Variants in NEGR1 observed in about 807,000 individuals in gnomAD.
The protein encoded by NEGR1 is IgLON family member 4.
In NEGR1, 10 loss-of-function variants were observed where a neutral mutation model predicts 40.9. The observed-to-expected ratio is 0.24, with a 90% CI of 0.15 to 0.42. The LOEUF (loss-of-function observed/expected upper bound fraction) is 0.42. Ranked by LOEUF, NEGR1 falls within the 10% of genes least tolerant of loss-of-function variation. NEGR1 has a pLI of 1.00. For synonymous variants in NEGR1, 185 were observed against 166.8 expected (o/e 1.11, Z -0.84); for missense variants, 352 against 438.9 (o/e 0.80, Z 1.77).
chr1:71,688,572 T>G (rs1454314154), intron 4 of NEGR1, among the ~76,000 whole-genome samples: 3 of 150,810 alleles, frequency 2.0e-5, no homozygotes, highest in Non-Finnish European at 4.4e-5. Flanking sequence ...TTCTCCTGCC[T>G]CAGCCTCCCA....
At chr1:71,877,469 T>C (rs781626711) in intron 2 of NEGR1, among the ~76,000 whole-genome samples, 4 of 152,168 alleles carry the variant, frequency 2.6e-5, no homozygotes, top group African/African-American at 4.8e-5. Context: ...TCTTCACATA[T>C]TCTTCCCTCT....
chr1:72,039,560 G>GAA (rs1646933767), intron 1 of NEGR1, among the ~76,000 whole-genome samples: 1 of 151,838 alleles, frequency 6.6e-6, no homozygotes, highest in African/African-American at 2.4e-5. Context: ...GTGTTGGAGA[G>GAA]AAAAAAACAA....
intron 4 of NEGR1, among the ~76,000 whole-genome samples, chr1:71,678,822 A>C (rs1652731353): frequency 6.6e-6 from 1 of 152,122 alleles, no homozygotes; most frequent in Non-Finnish European, 1.5e-5. Context: ...CGGGGAACTG[A>C]AAGTACCTTT....
intron 1 of NEGR1, among the ~76,000 whole-genome samples, chr1:72,181,264 C>A (rs1008424393): frequency 3.3e-5 from 5 of 152,170 alleles, no homozygotes; most frequent in East Asian, 1.9e-4. Context: ...CAGATAATAA[C>A]CCTGAAGCAC....
chr1:72,214,264 G>T (rs1236170285), intron 1 of NEGR1, among the ~76,000 whole-genome samples: 1 of 152,044 alleles, frequency 6.6e-6, no homozygotes, highest in Admixed American at 6.6e-5. Context: ...ATATCATACT[G>T]AATGGGCAAA....
intron 3 of NEGR1, among the ~76,000 whole-genome samples, chr1:71,766,908 CAT>C (rs1656152805): frequency 1.3e-5 from 2 of 152,154 alleles, no homozygotes; most frequent in Non-Finnish European, 2.9e-5. Flanking sequence ...GTCCTTGTAA[CAT>C]GTGCTGGCTT....
chr1:71,689,231 A>G (rs976793145), intron 4 of NEGR1, among the ~76,000 whole-genome samples: 2 of 152,210 alleles, frequency 1.3e-5, no homozygotes, highest in African/African-American at 4.8e-5. Flanking sequence ...ATTATCCAGA[A>G]TCATTTGACT....
intron 1 of NEGR1, among the ~76,000 whole-genome samples, chr1:72,210,588 A>C (rs1237599457): frequency 6.6e-6 from 1 of 151,896 alleles, no homozygotes; most frequent in Admixed American, 6.6e-5. Flanking sequence ...TTTTTGTTGC[A>C]AAGTTGAAGA....
At chr1:72,171,372 A>C (rs924534267) in intron 1 of NEGR1, among the ~76,000 whole-genome samples, 1 of 152,180 alleles carries the variant, frequency 6.6e-6, no homozygotes, top group Non-Finnish European at 1.5e-5. Context: ...AGAGCACATA[A>C]AAGTATCCCT....
At chr1:72,183,103 T>C (rs1652450190) in intron 1 of NEGR1, among the ~76,000 whole-genome samples, 1 of 152,084 alleles carries the variant, frequency 6.6e-6, no homozygotes, top group Admixed American at 6.6e-5. Context: ...ATTGACTTAA[T>C]GAGACTGAAA....
chr1:71,949,177 C>T (rs1459641671), intron 1 of NEGR1, among the ~76,000 whole-genome samples: 4 of 152,096 alleles, frequency 2.6e-5, no homozygotes, highest in East Asian at 1.9e-4. Flanking sequence ...GATATGAATA[C>T]GCACTTGAAA....
chr1:72,071,576 C>T (rs146427873), intron 1 of NEGR1, among the ~76,000 whole-genome samples: 9 of 152,130 alleles, frequency 5.9e-5, no homozygotes, highest in African/African-American at 2.2e-4. Flanking sequence ...TAATATATGC[C>T]TGCTACCAGT....
intron 2 of NEGR1, among the ~76,000 whole-genome samples, chr1:71,787,952 T>C (rs1656971839): frequency 6.6e-6 from 1 of 152,186 alleles, no homozygotes; most frequent in African/African-American, 2.4e-5. Flanking sequence ...TTCTCACCTG[T>C]CAAAAACTAA....
intron 2 of NEGR1, among the ~76,000 whole-genome samples, chr1:71,929,272 G>T (rs898673862): frequency 6.6e-6 from 1 of 152,062 alleles, no homozygotes; most frequent in African/African-American, 2.4e-5. Flanking sequence ...ATTATGTTTT[G>T]TAAGTATGAA....
intron 2 of NEGR1, among the ~76,000 whole-genome samples, chr1:71,897,437 C>T (rs1230536425): frequency 6.6e-6 from 1 of 152,118 alleles, no homozygotes; most frequent in East Asian, 1.9e-4. Context: ...TCACTTCTTC[C>T]CTGCAAAAGG....
At chr1:72,238,685 C>T (rs1194268) in intron 1 of NEGR1, among the ~76,000 whole-genome samples, 3,322 of 151,932 alleles carry the variant, frequency 0.022, 55 homozygotes, top group African/African-American at 0.032. Flanking sequence ...TTCCTTTGTG[C>T]AATTCTATTA....
intron 6 of NEGR1, among the ~76,000 whole-genome samples, chr1:71,442,523 A>C (rs7519190): frequency 0.027 from 4,102 of 152,248 alleles, 195 homozygotes; most frequent in African/African-American, 0.093. Context: ...CTGAGGCAGG[A>C]GAATCACCTG....
At chr1:71,811,168 T>C (rs1657988140) in intron 2 of NEGR1, among the ~76,000 whole-genome samples, 1 of 152,102 alleles carries the variant, frequency 6.6e-6, no homozygotes, top group South Asian at 2.1e-4. Context: ...CCTAAATCCT[T>C]CGGGGAACTG....
chr1:72,271,534 C>A (rs1655843302), intron 1 of NEGR1, among the ~76,000 whole-genome samples: 1 of 151,772 alleles, frequency 6.6e-6, no homozygotes, highest in Non-Finnish European at 1.5e-5. Flanking sequence ...GGCCCCTGAC[C>A]CAATTGCAGG....
Sources: gnomAD v4.1 joint callset for allele counts (sites outside exome capture counted in the v4.1 genomes callset) on GRCh38, gnomAD v4.1.1 for gene constraint, MANE v1.5 for transcripts, NCBI Gene and HGNC (gene_info 2026-07-23, HGNC 2026-07-21) for gene names.